PACS1: variants seen among roughly 807,000 people sequenced by gnomAD.
PACS1 encodes the protein PACS-1.
Under a neutral mutation model 115.0 loss-of-function variants are expected in PACS1, and 24 were observed. That is an observed-to-expected ratio of 0.21 (90% CI 0.15 to 0.29). The LOEUF is 0.29. Ranked by LOEUF, PACS1 falls within the 10% of genes least tolerant of loss-of-function variation. PACS1 has a pLI of 1.00. For missense variants in PACS1, 838 were observed against 1,251.2 expected (o/e 0.67, Z 4.98); for synonymous variants, 453 against 504.5 (o/e 0.90, Z 1.37).
intron 11 of PACS1, 81 bp downstream of exon 11, chr11:66,227,665 G>A: frequency 1.2e-6 from 1 of 823,958 alleles, no homozygotes. Flanking sequence ...GGACCCTCAG[G>A]ACCACCATAG....
Position 66,070,282 on chromosome 11 carries a change from G to T in PACS1, c.-205G>T, listed in dbSNP as rs1418885653. 1 of 163,380 alleles carries T rather than the reference G, an allele frequency of 6.1e-6. No individual in the cohort carries two copies. Among genetic ancestry groups the T allele is most frequent in the Admixed American group, 6.5e-5 (1 of 15,390 alleles). 10.1% of individuals were successfully genotyped at this position (163,380 alleles called of 1,614,324 possible). A position where few individuals can be genotyped will look rare whatever the true frequency, so the allele number is the denominator to read the frequency against. On this transcript the variant is annotated 5_prime_UTR_variant, in exon 1 of 24. Coordinates refer to ENST00000320580, the MANE Select transcript of PACS1 (RefSeq NM_018026.4). The surrounding 1 kb of genome is among the most constrained non-coding windows in gnomAD (Gnocchi z 5.9). ...CTCCCGGACACGCCCACCCGTGTCG[G>T]CCTCGCGAGCCGCAACAGGCAGCGG...
At chr11:66,119,236 A>G (rs1195771115) in intron 1 of PACS1, among the ~76,000 whole-genome samples, 2 of 152,248 alleles carry the variant, frequency 1.3e-5, no homozygotes, top group South Asian at 2.1e-4. Context: ...TCTAAGTACT[A>G]TAGCTGAAAA....
chr11:66,072,529 T>C (rs923337112), intron 1 of PACS1, among the ~76,000 whole-genome samples: 2 of 152,230 alleles, frequency 1.3e-5, no homozygotes, highest in Non-Finnish European at 2.9e-5. Context: ...CATTGTTTTT[T>C]TTTTCTCTGT....
intron 1 of PACS1, among the ~76,000 whole-genome samples, chr11:66,180,031 G>T (rs1001857905): frequency 6.6e-6 from 1 of 152,032 alleles, no homozygotes. Context: ...TAGTAGAGAT[G>T]GGGTTTCACC....
chr11:66,115,643 G>A (rs1033649220), intron 1 of PACS1, among the ~76,000 whole-genome samples: 10 of 152,236 alleles, frequency 6.6e-5, no homozygotes, highest in African/African-American at 7.2e-5. Flanking sequence ...CTGCAGAGCA[G>A]GCTGACATTT....
At chr11:66,230,397 G>A (rs1477727807) in intron 11 of PACS1, 151 bp from the exon 12 acceptor site, 8 of 627,474 alleles carry the variant, frequency 1.3e-5, no homozygotes, top group Non-Finnish European at 2.0e-5. Flanking sequence ...TCCTTCGGCT[G>A]AGGCAGGAGC....
At chr11:66,238,109 G>A (rs1392664126) in intron 19 of PACS1, 20 of 985,274 alleles carry the variant, frequency 2.0e-5, no homozygotes, top group Non-Finnish European at 2.3e-5. Flanking sequence ...AGCCACTGGA[G>A]GGCCCAGGCT....
At chr11:66,216,862 C>A in intron 7 of PACS1, 87 bp downstream of exon 7, 8 of 849,800 alleles carry the variant, frequency 9.4e-6, no homozygotes, top group East Asian at 5.5e-5. Flanking sequence ...CTAGTGGAGA[C>A]TTCTTAAAAT....
At chr11:66,120,998 C>G (rs1251671187) in intron 1 of PACS1, 1 of 456,238 alleles carries the variant, frequency 2.2e-6, no homozygotes. Flanking sequence ...TTTTATTGTG[C>G]TTCACTTTCT....
chr11:66,078,085 T>C (rs976150858), intron 1 of PACS1, among the ~76,000 whole-genome samples: 3 of 152,206 alleles, frequency 2.0e-5, no homozygotes, highest in African/African-American at 7.2e-5. Flanking sequence ...ATCTCAAATA[T>C]CGTTCTTCCT....
intron 1 of PACS1, among the ~76,000 whole-genome samples, chr11:66,157,330 A>G (rs1369773298): frequency 6.6e-6 from 1 of 152,210 alleles, no homozygotes; most frequent in Non-Finnish European, 1.5e-5. Flanking sequence ...ATGTAGGTGC[A>G]TATATGATGA....
intron 11 of PACS1, among the ~76,000 whole-genome samples, chr11:66,228,072 C>T (rs1393584463): frequency 6.6e-6 from 1 of 152,000 alleles, no homozygotes; most frequent in Admixed American, 6.6e-5. Context: ...GGTCGAATTG[C>T]ACAAACATTT....
chr11:66,226,166 A>G (rs1398761884), intron 10 of PACS1, among the ~76,000 whole-genome samples: 1 of 152,178 alleles, frequency 6.6e-6, no homozygotes, highest in Non-Finnish European at 1.5e-5. Flanking sequence ...AGTGAGATTC[A>G]GTCTCAAAAA....
chr11:66,107,107 G>C (rs1395366485), intron 1 of PACS1, among the ~76,000 whole-genome samples: 1 of 152,160 alleles, frequency 6.6e-6, no homozygotes, highest in Non-Finnish European at 1.5e-5. Flanking sequence ...ATGCCATTCA[G>C]TGGTCTGTGA....
At chr11:66,241,780 G>A in intron 22 of PACS1, 127 bp downstream of exon 22, 1 of 724,128 alleles carries the variant, frequency 1.4e-6, no homozygotes, top group Non-Finnish European at 2.3e-6. Flanking sequence ...CTGGCATGGG[G>A]TGCAGAGGGG....
intron 4 of PACS1, among the ~76,000 whole-genome samples, chr11:66,212,219 C>T (rs2134702103): frequency 6.6e-6 from 1 of 151,802 alleles, no homozygotes; most frequent in African/African-American, 2.4e-5. Flanking sequence ...GAAACCCCCG[C>T]CTCCCGGGTT....
Position 66,202,742 on chromosome 11 carries a change from AATAT to A in PACS1, c.445-7583_445-7580del, listed in dbSNP as rs56203680. Among the ~76,000 whole-genome samples the A allele has an allele frequency of 5.7e-3, 406 of 71,490 alleles. 15 individuals carry two copies. The highest frequency in any genetic ancestry group is 0.016 in the East Asian group (30 of 1,878). The allele number at this position is 71,490 out of a possible 152,430, so 46.9% of individuals were successfully genotyped here. On this transcript the variant is annotated intron_variant, in intron 2 of 23. Coordinates refer to ENST00000320580, the MANE Select transcript of PACS1 (RefSeq NM_018026.4). The stretch of plus-strand genomic sequence containing the variant: ...CATCTCTAGGAAAAAAAAAAAAAAA[AATAT>A]ATATATATATATATATATATATATA...
At chr11:66,171,857 GCT>G (rs1447725585) in intron 1 of PACS1, among the ~76,000 whole-genome samples, 10 of 151,844 alleles carry the variant, frequency 6.6e-5, no homozygotes, top group Non-Finnish European at 1.3e-4. Context: ...GGGATTACAG[GCT>G]TGAGCCACCG....
chr11:66,204,034 A>G (rs916237888), intron 2 of PACS1, among the ~76,000 whole-genome samples: 1 of 152,182 alleles, frequency 6.6e-6, no homozygotes, highest in African/African-American at 2.4e-5. Flanking sequence ...CAACCAAAGC[A>G]AAAATGGACA....
Sources: allele counts gnomAD v4.1 joint callset (sites outside exome capture counted in the v4.1 genomes callset), GRCh38; gene constraint gnomAD v4.1.1; non-coding constraint Gnocchi (gnomAD v3.1); transcripts MANE v1.5; gene names NCBI Gene and HGNC (gene_info 2026-07-23, HGNC 2026-07-21).